Variants in NRCAM observed in about 807,000 individuals in gnomAD.
The protein encoded by NRCAM is neuronal cell adhesion molecule, also known as NgCAM-related cell adhesion molecule.
In NRCAM, 83 loss-of-function variants were observed where a neutral mutation model predicts 156.5. That is an observed-to-expected ratio of 0.53 (90% CI 0.44 to 0.64). The LOEUF is 0.64. NRCAM is among the 30% of genes least tolerant of loss of function. The pLI, the probability that NRCAM is intolerant of heterozygous loss-of-function variation, is 0.00. For synonymous variants in NRCAM, 538 were observed against 563.9 expected (o/e 0.95, Z 0.65); for missense variants, 1,417 against 1,597.3 (o/e 0.89, Z 1.92).
chr7:108,438,902 T>C (rs1290490438), intron 1 of NRCAM, among the ~76,000 whole-genome samples: 1 of 152,096 alleles, frequency 6.6e-6, no homozygotes, highest in East Asian at 1.9e-4. Flanking sequence ...TAAAATACTT[T>C]AAAATAAATT....
intron 2 of NRCAM, among the ~76,000 whole-genome samples, chr7:108,329,644 T>C (rs2099106175): frequency 6.6e-6 from 1 of 152,202 alleles, no homozygotes; most frequent in African/African-American, 2.4e-5. Context: ...TGAAGCTCTT[T>C]TCAGCAATTC....
rs116538090 is a variant in NRCAM at position 108,184,174 on chromosome 7, T to C, written c.2304+67A>G. The C allele has an allele frequency of 2.1e-3, 2,560 of 1,248,772 alleles. 35 individuals are homozygous for C. In the African/African-American group the frequency reaches 0.032, roughly 16 times the overall value. 77.4% of individuals were successfully genotyped at this position (1,248,772 alleles called of 1,614,324 possible). A position where few individuals can be genotyped will look rare whatever the true frequency, so the allele number is the denominator to read the frequency against. Reference sequence around the variant, plus strand: ...GTGAAATGAGATTCTAATGTAGATATTATTTTCAAACAACTTTTTTTTCAC... The same window carrying C: ...GTGAAATGAGATTCTAATGTAGATACTATTTTCAAACAACTTTTTTTTCAC... On this transcript the variant is annotated intron_variant, in intron 22 of 32. Coordinates refer to ENST00000379028, the MANE Select transcript of NRCAM (RefSeq NM_001037132.4).
chr7:108,396,799 G>A (rs1028538471), intron 2 of NRCAM, among the ~76,000 whole-genome samples: 1 of 152,282 alleles, frequency 6.6e-6, no homozygotes, highest in East Asian at 1.9e-4. Context: ...TAAAGTCACT[G>A]ATGTCTTTTT....
chr7:108,297,953 G>A lies in NRCAM; in HGVS notation c.-107+14712C>T, dbSNP rs75939044. Among the ~76,000 whole-genome samples the A allele has an allele frequency of 5.3e-4, 80 of 152,286 alleles. 1 individual carries two copies. Among genetic ancestry groups the A allele is most frequent in the Non-Finnish European group, 1.1e-3 (74 of 68,018 alleles). On this transcript the variant is annotated intron_variant, in intron 3 of 32. Coordinates refer to ENST00000379028, the MANE Select transcript of NRCAM (RefSeq NM_001037132.4). Reference sequence around the variant, plus strand: ...GAGTGTTCCAGACAGAGGGAGCCTCGGTGAAAGACCCTGTGGTGGGAGCAT... The same window carrying A: ...GAGTGTTCCAGACAGAGGGAGCCTCAGTGAAAGACCCTGTGGTGGGAGCAT...
intron 24 of NRCAM, 99 bp from the exon 25 acceptor site, chr7:108,180,526 TG>T (rs2062870796): frequency 2.1e-6 from 2 of 957,482 alleles, no homozygotes; most frequent in Admixed American, 4.9e-5. Flanking sequence ...AAAATTCCGT[TG>T]GTATATTTTA....
At chr7:108,339,170 T>C (rs992222696) in intron 2 of NRCAM, among the ~76,000 whole-genome samples, 7 of 152,220 alleles carry the variant, frequency 4.6e-5, no homozygotes, top group Non-Finnish European at 1.0e-4. Flanking sequence ...TAAATCTTAA[T>C]TACCATACAA....
intron 15 of NRCAM, among the ~76,000 whole-genome samples, chr7:108,195,191 C>T (rs1196558089): frequency 6.6e-6 from 1 of 151,978 alleles, no homozygotes; most frequent in African/African-American, 2.4e-5. Flanking sequence ...AATACAGCAG[C>T]CTTAAATTTA....
rs2096355382 is a variant in NRCAM, at chr7:108,251,638, A to G, written c.-106-11468T>C. 2.6e-5 allele frequency among the ~76,000 whole-genome samples: 4 copies of G among 152,208 alleles called. 1 individual carries two copies. The South Asian group carries it at 8.3e-4, about 31-fold the overall frequency. On this transcript the variant is annotated intron_variant, in intron 3 of 32. Coordinates refer to ENST00000379028, the MANE Select transcript of NRCAM (RefSeq NM_001037132.4). ...AGGCTGCTGGTTGTTGGGTCTAGGC[A>G]CAAGCAGGCATGGGAAAGTGAGTAC... is the stretch of plus-strand genomic sequence containing the variant.
intron 11 of NRCAM, among the ~76,000 whole-genome samples, chr7:108,221,096 A>G (rs2092086846): frequency 6.6e-6 from 1 of 152,238 alleles, no homozygotes; most frequent in African/African-American, 2.4e-5. Context: ...ACATGAAAAA[A>G]TGCTCAACAT....
chr7:108,388,120 T>C (rs961994370), intron 2 of NRCAM, among the ~76,000 whole-genome samples: 4 of 152,212 alleles, frequency 2.6e-5, no homozygotes, highest in Non-Finnish European at 5.9e-5. Flanking sequence ...TCTAGATCCC[T>C]GAGGAATTGC....
Position 108,334,481 on chromosome 7 carries a change from G to A in NRCAM, c.-173-21750C>T, listed in dbSNP as rs114574414. Among the ~76,000 whole-genome samples the A allele has an allele frequency of 9.9e-3, 1,507 of 152,260 alleles. 34 individuals carry two copies. Among genetic ancestry groups the A allele is most frequent in the African/African-American group, 0.033 (1,374 of 41,540 alleles). On this transcript the variant is annotated intron_variant, in intron 2 of 32. Coordinates refer to ENST00000379028, the MANE Select transcript of NRCAM (RefSeq NM_001037132.4). ...GACTGTTCCAGCTAAACAGGTCTACGGTACCTACCCCTAACACACCAGGCC... is the reference window on the plus strand; with the variant it reads ...GACTGTTCCAGCTAAACAGGTCTACAGTACCTACCCCTAACACACCAGGCC...
chr7:108,351,628 GAGA>G (rs1342160385), intron 2 of NRCAM, among the ~76,000 whole-genome samples: 2 of 152,194 alleles, frequency 1.3e-5, no homozygotes, highest in South Asian at 2.1e-4. Flanking sequence ...GACAACTCAG[GAGA>G]AGGAGGGCTG....
intron 1 of NRCAM, among the ~76,000 whole-genome samples, chr7:108,401,736 G>A (rs548261976): frequency 1.6e-4 from 25 of 152,232 alleles, no homozygotes; most frequent in African/African-American, 4.1e-4. Flanking sequence ...GATGGACCTC[G>A]AATTTTAGAA....
intron 1 of NRCAM, among the ~76,000 whole-genome samples, chr7:108,403,672 G>A (rs776919555): frequency 1.3e-5 from 2 of 152,166 alleles, no homozygotes; most frequent in East Asian, 3.8e-4. Context: ...GGCATCATTA[G>A]AGAAAATGAG....
intron 22 of NRCAM, 96 bp from the exon 23 acceptor site, chr7:108,183,016 T>A: frequency 1.0e-6 from 1 of 992,622 alleles, no homozygotes; most frequent in Non-Finnish European, 1.5e-6. Flanking sequence ...CTACAGAAAG[T>A]GATCATTGAA....
chr7:108,222,064 T>C (rs1196285579), intron 11 of NRCAM, among the ~76,000 whole-genome samples: 7 of 152,112 alleles, frequency 4.6e-5, no homozygotes, highest in Non-Finnish European at 8.8e-5. Context: ...AATTAAAACA[T>C]GCTGTAAGTA....
intron 2 of NRCAM, among the ~76,000 whole-genome samples, chr7:108,387,559 TATTTA>T (rs1423058151): frequency 4.6e-5 from 7 of 152,042 alleles, no homozygotes; most frequent in Non-Finnish European, 1.0e-4. Context: ...AAAATTTATT[TATTTA>T]TTTACTTTTT....
intron 1 of NRCAM, among the ~76,000 whole-genome samples, chr7:108,435,581 C>A (rs976951294): frequency 6.6e-6 from 1 of 152,052 alleles, no homozygotes; most frequent in Non-Finnish European, 1.5e-5. Context: ...TAGTCAGGAA[C>A]AACAGACACT....
intron 1 of NRCAM, among the ~76,000 whole-genome samples, chr7:108,433,328 T>C (rs532865062): frequency 1.2e-4 from 19 of 152,184 alleles, no homozygotes; most frequent in Non-Finnish European, 2.6e-4. Context: ...CATTCAGGTC[T>C]TGGATATAGG....
Sources: allele counts gnomAD v4.1 joint callset (sites outside exome capture counted in the v4.1 genomes callset), GRCh38; gene constraint gnomAD v4.1.1; transcripts MANE v1.5; gene names NCBI Gene and HGNC (gene_info 2026-07-23, HGNC 2026-07-21).